ZNF544: variants seen among roughly 807,000 people sequenced by gnomAD.
ZNF544 encodes zinc finger protein 544.
Under a neutral mutation model 13.5 loss-of-function variants are expected in ZNF544, and 10 were observed. That is an observed-to-expected ratio of 0.74 (90% CI 0.46 to 1.25). The LOEUF (loss-of-function observed/expected upper bound fraction) is 1.25. Ranked by LOEUF, ZNF544 falls within the 50% of genes most tolerant of loss-of-function variation. The pLI, the probability that ZNF544 is intolerant of heterozygous loss-of-function variation, is 0.00. For synonymous variants in ZNF544, 323 were observed against 300.5 expected (o/e 1.07, Z -0.77); for missense variants, 896 against 845.6 (o/e 1.06, Z -0.74).
rs1161950188 is a variant in ZNF544, at chr19:58,238,742, G to A, written c.-59-5223G>A. Reference sequence around the variant, plus strand: ...CTCCCTCATTGTAGGGATCATTGTGGTGACCCCAACAGTCTCCCCATCTAA... The same window carrying A: ...CTCCCTCATTGTAGGGATCATTGTGATGACCCCAACAGTCTCCCCATCTAA... On this transcript the variant is annotated intron_variant, in intron 3 of 6. Coordinates refer to ENST00000687789, the MANE Select transcript of ZNF544 (RefSeq NM_014480.4). 2.6e-5 allele frequency among the ~76,000 whole-genome samples: 4 copies of A among 152,022 alleles called. No individual in the cohort carries two copies. In the East Asian group the frequency reaches 7.7e-4, roughly 29 times the overall value.
chr19:58,244,097 A>T, intron 4 of ZNF544, 41 bp downstream of exon 4: 2 of 1,574,836 alleles, frequency 1.3e-6, no homozygotes, highest in Non-Finnish European at 1.7e-6. Flanking sequence ...TGGTCTCCAT[A>T]GATGTAAAAT....
In ZNF544 at chr19:58,260,959, C is replaced by T; in HGVS notation, c.353C>T (p.Pro118Leu). ...TACAGGAGTGGACCGGAGGAGCCAC[C>T]CTCTTTGGTATTAGGAAAAGTGCAA... ...EVYRSGPEEP[P>L]SLVLGKVQDQ... The change falls in exon 7 of 7, where the codon CCC becomes CTC. Residue 118 changes from proline (P) to leucine (L), a missense_variant. Transcript: ENST00000687789. The T allele has an allele frequency of 6.2e-7, 1 of 1,614,112 alleles. No homozygotes were observed. Among genetic ancestry groups the T allele is most frequent in the South Asian group, 1.1e-5 (1 of 91,078 alleles).
chr19:58,232,604 G>A (rs746989265), intron 3 of ZNF544, among the ~76,000 whole-genome samples: 4 of 151,504 alleles, frequency 2.6e-5, no homozygotes, highest in Non-Finnish European at 5.9e-5. Flanking sequence ...TTCCTGCTTT[G>A]ACCTCTGTAT....
At position 58,236,026 on chromosome 19, in the gene ZNF544, C is replaced by T. The variant is rs564717866; in HGVS notation, c.-60+5564C>T. Among the ~76,000 whole-genome samples the T allele has an allele frequency of 2.7e-5, 4 of 150,830 alleles. No individual in the cohort carries two copies. In the South Asian group the frequency reaches 8.4e-4, roughly 32 times the overall value. On this transcript the variant is annotated intron_variant, in intron 3 of 6. Transcript: ENST00000687789. ...AGTGAGCCGAGATCATGCCATTGCA[C>T]TCCAGCCTGGGTAACAAGAGTGAAA... is the stretch of plus-strand genomic sequence containing the variant.
At chr19:58,268,714 G>A (rs976174559), downstream of ZNF544, among the ~76,000 whole-genome samples, 2 of 152,196 alleles carry the variant, frequency 1.3e-5, no homozygotes, top group African/African-American at 2.4e-5. Context: ...GTGGAAAGAC[G>A]AAGGAAAAGA....
intron 2 of ZNF544, chr19:58,229,789 T>A (rs2040813036): frequency 6.6e-6 from 1 of 152,370 alleles, no homozygotes; most frequent in Non-Finnish European, 1.5e-5. Flanking sequence ...TGTTGGGTGA[T>A]ATTTGATGGG....
At chr19:58,237,583 G>A (rs1264169660) in intron 3 of ZNF544, among the ~76,000 whole-genome samples, 2 of 152,180 alleles carry the variant, frequency 1.3e-5, no homozygotes, top group African/African-American at 4.8e-5. Context: ...GGTCCGAGGG[G>A]CCCTTCCAGC....
Position 58,260,966 on chromosome 19 carries a change from G to A in ZNF544, c.360G>A (p.Leu120=). ...YRSGPEEPPS[L]VLGKVQDQSN... ...GTGGACCGGAGGAGCCACCCTCTTT[G>A]GTATTAGGAAAAGTGCAAGATCAGA... is the stretch of plus-strand genomic sequence containing the variant. Residue 120 remains leucine (L), a synonymous_variant, in exon 7 of 7, where the codon TTG becomes TTA. Coordinates refer to ENST00000687789, the MANE Select transcript of ZNF544 (RefSeq NM_014480.4). 1 of 1,614,142 alleles carries A rather than the reference G, an allele frequency of 6.2e-7. No individual in the cohort carries two copies. The highest frequency in any genetic ancestry group is 1.6e-4 in the Middle Eastern group (1 of 6,062).
chr19:58,273,274 G>A (rs12460016), intron 5 of ZNF544, among the ~76,000 whole-genome samples: 40,334 of 152,056 alleles, frequency 0.27, 6,564 homozygotes, highest in East Asian at 0.52. Flanking sequence ...ATAATTGTGG[G>A]TATTTTAGAA....
intron 6 of ZNF544, among the ~76,000 whole-genome samples, chr19:58,249,765 C>T (rs1469066667): frequency 1.3e-5 from 2 of 152,190 alleles, no homozygotes; most frequent in Non-Finnish European, 2.9e-5. Context: ...TGCCAAGCAA[C>T]TGCTGCTGAG....
downstream of ZNF544, among the ~76,000 whole-genome samples, chr19:58,266,320 C>A (rs1169617330): frequency 6.7e-6 from 1 of 150,356 alleles, no homozygotes; most frequent in Non-Finnish European, 1.5e-5. Context: ...TCAAGACCAT[C>A]CTGGCTAACA....
intron 6 of ZNF544, among the ~76,000 whole-genome samples, chr19:58,252,837 T>C (rs920532997): frequency 8.5e-5 from 13 of 152,240 alleles, no homozygotes; most frequent in African/African-American, 3.1e-4. Context: ...CATTATGTTT[T>C]TGAGACGGAG....
At chr19:58,246,861 G>A (rs544847354) in intron 6 of ZNF544, 67 bp downstream of exon 6, 1 of 1,493,658 alleles carries the variant, frequency 6.7e-7, no homozygotes, top group South Asian at 1.2e-5. Context: ...TCTCCGCAGG[G>A]CCCCAGGGGC....
chr19:58,256,202 G>A (rs2047318261), intron 6 of ZNF544, among the ~76,000 whole-genome samples: 1 of 151,930 alleles, frequency 6.6e-6, no homozygotes, highest in African/African-American at 2.4e-5. Flanking sequence ...CCCAAACCTC[G>A]AGCCTACCTC....
chr19:58,232,647 G>A (rs1245629680), intron 3 of ZNF544, among the ~76,000 whole-genome samples: 5 of 151,234 alleles, frequency 3.3e-5, no homozygotes, highest in African/African-American at 1.2e-4. Flanking sequence ...AGACATATCC[G>A]GGCCGGGCGC....
chr19:58,229,193 G>C (rs1291921941), intron 1 of ZNF544: 1 of 152,420 alleles, frequency 6.6e-6, no homozygotes, highest in African/African-American at 2.4e-5. Context: ...CGCCCGGCTG[G>C]GTCTGAGCTT....
At chr19:58,246,058 C>G (rs563119959) in intron 4 of ZNF544, among the ~76,000 whole-genome samples, 1 of 152,308 alleles carries the variant, frequency 6.6e-6, no homozygotes, top group Admixed American at 6.5e-5. Flanking sequence ...GGCCTGCTGT[C>G]TCATAGATGG....
rs1392444545 is a variant in ZNF544 at position 58,262,827 on chromosome 19, G to T, written c.*73G>T. Reference sequence around the variant, plus strand: ...CATGCACCAGAGGACGCATGTCGGTGGGAAGAGCTATCAGTGTGACGTGTA... The same window carrying T: ...CATGCACCAGAGGACGCATGTCGGTTGGAAGAGCTATCAGTGTGACGTGTA... On this transcript the variant is annotated 3_prime_UTR_variant, in exon 7 of 7. Transcript: ENST00000687789. The T allele has an allele frequency of 1.2e-5, 18 of 1,526,444 alleles. No individual in the cohort carries two copies. In the Admixed American group the frequency reaches 3.8e-4, roughly 33 times the overall value. The allele number at this position is 1,526,444 out of a possible 1,614,324, so 94.6% of individuals were successfully genotyped here.
chr19:58,231,065 C>T (rs1032196993), intron 3 of ZNF544, among the ~76,000 whole-genome samples: 5 of 152,044 alleles, frequency 3.3e-5, no homozygotes, highest in Admixed American at 1.3e-4. Flanking sequence ...CTATACCACC[C>T]AGAACTCAGA....
Sources: gnomAD v4.1 joint callset for allele counts (sites outside exome capture counted in the v4.1 genomes callset) on GRCh38, gnomAD v4.1.1 for gene constraint, MANE v1.5 for transcripts, NCBI Gene and HGNC (gene_info 2026-07-23, HGNC 2026-07-21) for gene names.